ANO3: variants seen among roughly 807,000 people sequenced by gnomAD.
ANO3 encodes the protein anoctamin-3.
In ANO3, 99 loss-of-function variants were observed where a neutral mutation model predicts 144.8. The ratio of observed to expected loss-of-function variants is 0.68; its 90% CI spans 0.58 to 0.81. The LOEUF (loss-of-function observed/expected upper bound fraction) is 0.81, where lower values mean the gene tolerates loss of function less well. ANO3 is among the 30% of genes least tolerant of loss of function. The pLI is 0.00. For synonymous variants in ANO3, 414 were observed against 392.6 expected (o/e 1.05, Z -0.64); for missense variants, 905 against 1,202.2 (o/e 0.75, Z 3.66).
intron 1 of ANO3, among the ~76,000 whole-genome samples, chr11:26,325,205 A>G (rs981819337): frequency 6.6e-6 from 1 of 152,188 alleles, no homozygotes; most frequent in African/African-American, 2.4e-5. Context: ...ACCAGTTGCT[A>G]TCTTTTCCTA....
intron 1 of ANO3, among the ~76,000 whole-genome samples, chr11:26,229,779 T>C (rs1040479614): frequency 6.6e-6 from 1 of 151,866 alleles, no homozygotes; most frequent in African/African-American, 2.4e-5. Flanking sequence ...TTTAAAATTG[T>C]GCATACATCC....
rs1396960862 is a variant in ANO3, at chr11:26,280,812, C to T, written c.155-28833C>T. 2.0e-5 allele frequency among the ~76,000 whole-genome samples: 3 copies of T among 152,152 alleles called. No individual in the cohort carries two copies. The East Asian group carries it at 5.8e-4, about 29-fold the overall frequency. ...AGTTCCCTGTCTCCCAGGAATGGTG[C>T]CACCTTAGTATTCCTGCTATACTTG... On this transcript the variant is annotated intron_variant, in intron 1 of 27. Transcript: ENST00000672621.
intron 4 of ANO3, among the ~76,000 whole-genome samples, chr11:26,466,697 C>G (rs1859614342): frequency 6.6e-6 from 1 of 151,952 alleles, no homozygotes; most frequent in Non-Finnish European, 1.5e-5. Context: ...AAAATCGCAA[C>G]TGAGACCAGA....
intron 14 of ANO3, chr11:26,565,014 A>G (rs1465235661): frequency 2.9e-6 from 2 of 682,456 alleles, no homozygotes; most frequent in African/African-American, 3.7e-5. Flanking sequence ...ATTTCTAGTG[A>G]CTATAATGAT....
intron 1 of ANO3, among the ~76,000 whole-genome samples, chr11:26,365,039 A>G (rs1590295256): frequency 6.6e-6 from 1 of 152,364 alleles, no homozygotes; most frequent in South Asian, 2.1e-4. Context: ...TCCAAGATAC[A>G]ATGGGGGTAT....
At chr11:26,411,882 A>T (rs1032323625) in intron 1 of ANO3, among the ~76,000 whole-genome samples, 1 of 152,014 alleles carries the variant, frequency 6.6e-6, no homozygotes, top group Non-Finnish European at 1.5e-5. Flanking sequence ...TCTAAATGTT[A>T]TAACTCCATA....
intron 1 of ANO3, chr11:26,427,290 C>G (rs1478025688): frequency 6.5e-6 from 1 of 154,626 alleles, no homozygotes; most frequent in Non-Finnish European, 1.5e-5. Flanking sequence ...AGGCGCCTCC[C>G]TCCACCTGCA....
chr11:26,220,058 C>T (rs1320610797), intron 1 of ANO3, among the ~76,000 whole-genome samples: 3 of 152,156 alleles, frequency 2.0e-5, no homozygotes, highest in Non-Finnish European at 4.4e-5. Context: ...GAATTACAAG[C>T]AATAGGGAGA....
intron 1 of ANO3, among the ~76,000 whole-genome samples, chr11:26,400,450 AC>A (rs1386240510): frequency 6.6e-6 from 1 of 151,948 alleles, no homozygotes; most frequent in Non-Finnish European, 1.5e-5. Context: ...AACACTGAAA[AC>A]CATTTTAAAA....
At chr11:26,512,001 G>A (rs920520757) in intron 5 of ANO3, among the ~76,000 whole-genome samples, 4 of 152,074 alleles carry the variant, frequency 2.6e-5, no homozygotes, top group Non-Finnish European at 5.9e-5. Flanking sequence ...AAGAAAAATT[G>A]GAAGTTATTA....
chr11:26,277,202 T>A (rs1853577398), intron 1 of ANO3, among the ~76,000 whole-genome samples: 1 of 152,106 alleles, frequency 6.6e-6, no homozygotes, highest in South Asian at 2.1e-4. Flanking sequence ...TTTAAATGAA[T>A]AACATTTTAA....
At chr11:26,584,790 C>T (rs1483557081) in intron 14 of ANO3, among the ~76,000 whole-genome samples, 1 of 152,154 alleles carries the variant, frequency 6.6e-6, no homozygotes, top group Non-Finnish European at 1.5e-5. Flanking sequence ...TCTAACCTCC[C>T]TTATATTTGT....
At chr11:26,567,267 T>G in intron 14 of ANO3, 1 of 520,786 alleles carries the variant, frequency 1.9e-6, no homozygotes, top group Non-Finnish European at 3.1e-6. Flanking sequence ...CCTCAAGCAA[T>G]AAAATCTGAG....
chr11:26,243,135 A>C (rs2133812523), intron 1 of ANO3, among the ~76,000 whole-genome samples: 1 of 152,304 alleles, frequency 6.6e-6, no homozygotes, highest in Non-Finnish European at 1.5e-5. Context: ...AAGAAATGCC[A>C]AAGCAGGGAT....
At chr11:26,548,761 T>C (rs1487728278) in intron 12 of ANO3, among the ~76,000 whole-genome samples, 1 of 151,868 alleles carries the variant, frequency 6.6e-6, no homozygotes, top group East Asian at 1.9e-4. Flanking sequence ...CAAAAACCCA[T>C]TTCATCTAGT....
chr11:26,560,505 G>C (rs1166390346), intron 14 of ANO3: 1 of 152,276 alleles, frequency 6.6e-6, no homozygotes. Flanking sequence ...TGTGTGTGCT[G>C]ATCTAGAAAA....
chr11:26,554,905 C>G (rs1296198322), intron 13 of ANO3, among the ~76,000 whole-genome samples: 1 of 152,062 alleles, frequency 6.6e-6, no homozygotes, highest in South Asian at 2.1e-4. Context: ...TTGTTTTATA[C>G]ATTTTGTGCA....
chr11:26,364,740 A>AC (rs377484196), intron 1 of ANO3, among the ~76,000 whole-genome samples: 3 of 151,988 alleles, frequency 2.0e-5, no homozygotes, highest in Non-Finnish European at 4.4e-5. Context: ...TGAGAAATCC[A>AC]CCCCCGTGAT....
At chr11:26,472,290 A>G (rs1859810702) in intron 4 of ANO3, among the ~76,000 whole-genome samples, 1 of 151,966 alleles carries the variant, frequency 6.6e-6, no homozygotes, top group Admixed American at 6.6e-5. Context: ...GGAAGTTTCA[A>G]TATTAATAAT....
Sources: gnomAD v4.1 joint callset for allele counts (sites outside exome capture counted in the v4.1 genomes callset) on GRCh38, gnomAD v4.1.1 for gene constraint, MANE v1.5 for transcripts, NCBI Gene and HGNC (gene_info 2026-07-23, HGNC 2026-07-21) for gene names.